SMYD3: variants seen among roughly 807,000 people sequenced by gnomAD.
SMYD3 encodes the protein SET and MYND domain containing 3, also known as histone-lysine N-methyltransferase SMYD3.
A neutral mutation model predicts 57.7 loss-of-function variants in SMYD3; 36 were observed. The observed-to-expected ratio is 0.62, with a 90% CI of 0.48 to 0.82. The LOEUF is 0.82. SMYD3 is among the 40% of genes least tolerant of loss of function. The pLI, the probability that SMYD3 is intolerant of heterozygous loss-of-function variation, is 0.00. For missense variants in SMYD3, 515 were observed against 538.8 expected (o/e 0.96, Z 0.44); for synonymous variants, 211 against 195.0 (o/e 1.08, Z -0.68).
At chr1:246,442,462 T>A (rs2067485150) in intron 1 of SMYD3, among the ~76,000 whole-genome samples, 1 of 151,900 alleles carries the variant, frequency 6.6e-6, no homozygotes, top group Non-Finnish European at 1.5e-5. Context: ...GGCAGGAAAT[T>A]GCTTGAACCT....
chr1:245,856,022 G>A (rs961174167), intron 10 of SMYD3, among the ~76,000 whole-genome samples: 1 of 152,260 alleles, frequency 6.6e-6, no homozygotes. Flanking sequence ...GCAGGGAGCC[G>A]ATGCGGGGGG....
chr1:245,749,927 T>C (rs1373268562), intron 11 of SMYD3, among the ~76,000 whole-genome samples: 1 of 152,190 alleles, frequency 6.6e-6, no homozygotes, highest in Non-Finnish European at 1.5e-5. Context: ...TCAAAGACTG[T>C]CAGTGCACAG....
At chr1:246,334,211 A>G (rs2065505152) in intron 3 of SMYD3, among the ~76,000 whole-genome samples, 1 of 152,220 alleles carries the variant, frequency 6.6e-6, no homozygotes, top group South Asian at 2.1e-4. Context: ...ACTGTTGGGT[A>G]TATATCCAAA....
intron 10 of SMYD3, among the ~76,000 whole-genome samples, chr1:245,791,205 A>G (rs1444679756): frequency 6.6e-6 from 1 of 152,170 alleles, no homozygotes; most frequent in East Asian, 1.9e-4. Context: ...TCCACATGGG[A>G]TACCTATACT....
intron 1 of SMYD3, among the ~76,000 whole-genome samples, chr1:246,491,354 A>G (rs2068266823): frequency 6.6e-6 from 1 of 152,174 alleles, no homozygotes; most frequent in Non-Finnish European, 1.5e-5. Flanking sequence ...CCTGGCCAAC[A>G]TGGCAAAACT....
chr1:246,032,019 G>A (rs912209467), intron 5 of SMYD3, among the ~76,000 whole-genome samples: 3 of 152,086 alleles, frequency 2.0e-5, no homozygotes, highest in Admixed American at 6.5e-5. Context: ...TCGAAGCAAC[G>A]TGCAATTTTG....
intron 1 of SMYD3, among the ~76,000 whole-genome samples, chr1:246,360,003 T>C (rs1396361677): frequency 3.3e-5 from 5 of 152,044 alleles, no homozygotes; most frequent in African/African-American, 9.7e-5. Flanking sequence ...TCCAAATTAG[T>C]AGAGGAAGTC....
intron 5 of SMYD3, among the ~76,000 whole-genome samples, chr1:246,083,664 G>T (rs2060680432): frequency 6.6e-6 from 1 of 152,192 alleles, no homozygotes; most frequent in African/African-American, 2.4e-5. Flanking sequence ...GACAGGAAGA[G>T]CCAGTTGGGT....
chr1:245,960,721 C>CT (rs2057979497), intron 5 of SMYD3, among the ~76,000 whole-genome samples: 1 of 128,518 alleles, frequency 7.8e-6, no homozygotes. Context: ...AAACCAGACT[C>CT]TGTCTCTAAA....
chr1:245,969,563 A>G (rs1459070330), intron 5 of SMYD3, among the ~76,000 whole-genome samples: 1 of 151,832 alleles, frequency 6.6e-6, no homozygotes, highest in Admixed American at 6.5e-5. Flanking sequence ...TTTACTTAAC[A>G]GCACACAATC....
At chr1:245,873,174 C>T (rs2052309871) in intron 8 of SMYD3, among the ~76,000 whole-genome samples, 1 of 152,154 alleles carries the variant, frequency 6.6e-6, no homozygotes, top group East Asian at 1.9e-4. Flanking sequence ...CAGTTAAACA[C>T]ACATGAATAC....
chr1:246,058,649 T>C (rs919324743), intron 5 of SMYD3, among the ~76,000 whole-genome samples: 3 of 152,216 alleles, frequency 2.0e-5, no homozygotes, highest in Non-Finnish European at 2.9e-5. Flanking sequence ...AAGCTTTTTA[T>C]AGCCAAGTAT....
chr1:246,290,468 G>C (rs1383992781), intron 5 of SMYD3, among the ~76,000 whole-genome samples: 1 of 152,140 alleles, frequency 6.6e-6, no homozygotes, highest in Non-Finnish European at 1.5e-5. Context: ...CTTCATCAAT[G>C]AAGTGCACCT....
chr1:245,959,273 A>G (rs940601072), intron 5 of SMYD3, among the ~76,000 whole-genome samples: 6 of 151,980 alleles, frequency 3.9e-5, no homozygotes, highest in Non-Finnish European at 8.8e-5. Flanking sequence ...AGAGCTCTTT[A>G]CACTAAGTGA....
At chr1:246,083,296 A>T (rs1445063712) in intron 5 of SMYD3, among the ~76,000 whole-genome samples, 1 of 152,192 alleles carries the variant, frequency 6.6e-6, no homozygotes, top group African/African-American at 2.4e-5. Flanking sequence ...GCGGGCAGCA[A>T]TACTGCTCTT....
At chr1:246,261,120 A>G (rs149901698) in intron 5 of SMYD3, among the ~76,000 whole-genome samples, 6,735 of 151,984 alleles carry the variant, frequency 0.044, 234 homozygotes, top group African/African-American at 0.086. Flanking sequence ...GTGCAGTGGC[A>G]CCATCTCAGC....
At chr1:246,462,858 C>T (rs961937668) in intron 1 of SMYD3, among the ~76,000 whole-genome samples, 7 of 151,910 alleles carry the variant, frequency 4.6e-5, no homozygotes, top group Admixed American at 2.6e-4. Flanking sequence ...CAACAAAATA[C>T]ATTTTAATTG....
chr1:245,945,372 GA>G (rs2057397926), intron 5 of SMYD3, among the ~76,000 whole-genome samples: 5 of 151,992 alleles, frequency 3.3e-5, no homozygotes, highest in Admixed American at 2.6e-4. Context: ...CAACAAACAT[GA>G]AAAAAAGCTC....
chr1:246,133,798 AG>A (rs1218202386), intron 5 of SMYD3, among the ~76,000 whole-genome samples: 4 of 152,200 alleles, frequency 2.6e-5, no homozygotes, highest in African/African-American at 9.6e-5. Context: ...GTCAAAAAAA[AG>A]CTTGAAAACA....
Sources: gnomAD v4.1 joint callset for allele counts (sites outside exome capture counted in the v4.1 genomes callset) on GRCh38, gnomAD v4.1.1 for gene constraint, MANE v1.5 for transcripts, NCBI Gene and HGNC (gene_info 2026-07-23, HGNC 2026-07-21) for gene names.